The following CIMIP2C variants were observed in gnomAD, a reference collection of about 807,000 sequenced individuals.
CIMIP2C encodes ciliary microtubule inner protein 2C.
chr2:26,575,890 C>A, the CIMIP2C span: 1 of 1,610,304 alleles, frequency 6.2e-7, no homozygotes, highest in Non-Finnish European at 8.5e-7. Flanking sequence ...CCACCCCCAC[C>A]GTGATCGGCA....
the CIMIP2C span, among the ~76,000 whole-genome samples, chr2:26,567,816 G>A: frequency 6.6e-6 from 1 of 152,196 alleles, no homozygotes; most frequent in African/African-American, 2.4e-5. Context: ...AGATTCTGAT[G>A]TCATTGGTTG....
the CIMIP2C span, among the ~76,000 whole-genome samples, chr2:26,571,362 G>C: frequency 1.3e-5 from 2 of 152,174 alleles, no homozygotes; most frequent in African/African-American, 4.8e-5. Context: ...CCTGGGAATG[G>C]CCTTCCCTCC....
the CIMIP2C span, chr2:26,562,687 G>T: frequency 1.3e-6 from 2 of 1,567,658 alleles, no homozygotes; most frequent in South Asian, 2.4e-5. Flanking sequence ...TCATGCCCGG[G>T]TAAGGCCGAG....
the CIMIP2C span, among the ~76,000 whole-genome samples, chr2:26,573,073 T>C: frequency 6.6e-6 from 1 of 152,232 alleles, no homozygotes; most frequent in Non-Finnish European, 1.5e-5. Context: ...AGCGGGACAG[T>C]GTGAGCCGAG....
chr2:26,573,987 G>A, the CIMIP2C span, among the ~76,000 whole-genome samples: 1 of 152,212 alleles, frequency 6.6e-6, no homozygotes. Flanking sequence ...TCGCTTCCTT[G>A]CCTTTTTCCT....
chr2:26,570,452 A>T, the CIMIP2C span, among the ~76,000 whole-genome samples: 1 of 152,238 alleles, frequency 6.6e-6, no homozygotes, highest in Admixed American at 6.5e-5. Context: ...GGTGCCAAGG[A>T]TAAAGGAGAA....
chr2:26,572,823 A>C, the CIMIP2C span, among the ~76,000 whole-genome samples: 1 of 152,040 alleles, frequency 6.6e-6, no homozygotes, highest in African/African-American at 2.4e-5. Flanking sequence ...GAGGGAGGGG[A>C]GAGGTGGGCC....
chr2:26,571,882 A>G, the CIMIP2C span, among the ~76,000 whole-genome samples: 1 of 152,190 alleles, frequency 6.6e-6, no homozygotes, highest in Non-Finnish European at 1.5e-5. Context: ...TAATCATACC[A>G]TATTTGCTAT....
the CIMIP2C span, among the ~76,000 whole-genome samples, chr2:26,570,937 G>A: frequency 6.6e-6 from 1 of 152,296 alleles, no homozygotes; most frequent in Non-Finnish European, 1.5e-5. Flanking sequence ...GGAGAGGTCA[G>A]ATGTGGAGGG....
chr2:26,577,611 C>T, the CIMIP2C span: 11 of 1,613,618 alleles, frequency 6.8e-6, no homozygotes, highest in African/African-American at 1.3e-5. Context: ...CGGAACGGTA[C>T]CCCCTCCCCA....
chr2:26,572,349 G>T, the CIMIP2C span, among the ~76,000 whole-genome samples: 9 of 138,654 alleles, frequency 6.5e-5, no homozygotes, highest in African/African-American at 2.1e-4. Flanking sequence ...TACTGAGTTG[G>T]TTTTTTTTTT....
At chr2:26,562,730 G>T in the CIMIP2C span, 5 of 1,507,838 alleles carry the variant, frequency 3.3e-6, no homozygotes, top group African/African-American at 2.8e-5. Flanking sequence ...TTCCACTAGC[G>T]CCCTCCTCGG....
chr2:26,569,636 G>A, the CIMIP2C span, among the ~76,000 whole-genome samples: 1 of 152,174 alleles, frequency 6.6e-6, no homozygotes, highest in Non-Finnish European at 1.5e-5. Context: ...TTAAGAGTCA[G>A]GGAAGGGACT....
At chr2:26,568,072 A>G in the CIMIP2C span, among the ~76,000 whole-genome samples, 1 of 152,232 alleles carries the variant, frequency 6.6e-6, no homozygotes, top group Non-Finnish European at 1.5e-5. Context: ...CTGAAGGCAC[A>G]GCAGGCACTA....
the CIMIP2C span, among the ~76,000 whole-genome samples, chr2:26,568,863 G>A: frequency 6.6e-6 from 1 of 152,032 alleles, no homozygotes; most frequent in Admixed American, 6.5e-5. Context: ...TCTACTAAAT[G>A]TACAAAAATT....
chr2:26,577,116 C>T, the CIMIP2C span, among the ~76,000 whole-genome samples: 3 of 152,200 alleles, frequency 2.0e-5, no homozygotes, highest in Non-Finnish European at 2.9e-5. Flanking sequence ...TCCATCTTGG[C>T]GCTCAACAGA....
the CIMIP2C span, among the ~76,000 whole-genome samples, chr2:26,563,381 A>G: frequency 1.3e-5 from 2 of 152,186 alleles, no homozygotes; most frequent in Non-Finnish European, 2.9e-5. Flanking sequence ...TCAGACTCCA[A>G]CCATCTAACA....
the CIMIP2C span, among the ~76,000 whole-genome samples, chr2:26,565,583 G>C: frequency 6.6e-6 from 1 of 152,174 alleles, no homozygotes; most frequent in African/African-American, 2.4e-5. Context: ...TCGACAGTAA[G>C]AGATGGACTC....
the CIMIP2C span, among the ~76,000 whole-genome samples, chr2:26,566,429 C>A: frequency 5.9e-5 from 9 of 152,210 alleles, no homozygotes; most frequent in African/African-American, 2.2e-4. Flanking sequence ...AACACACACA[C>A]GGTGGTGTAC....
Sources: allele counts gnomAD v4.1 joint callset (sites outside exome capture counted in the v4.1 genomes callset), GRCh38; gene constraint gnomAD v4.1.1; transcripts MANE v1.5; gene names NCBI Gene and HGNC (gene_info 2026-07-23, HGNC 2026-07-21).